The following POC1B variants were observed in gnomAD, a reference collection of about 807,000 sequenced individuals.
POC1B encodes the protein POC1 centriolar protein B.
POC1B carries 44 observed loss-of-function variants against 60.6 expected under a neutral mutation model. The observed-to-expected ratio is 0.73, with a 90% CI of 0.57 to 0.93. The LOEUF (loss-of-function observed/expected upper bound fraction) is 0.93. Among genes scored for constraint, POC1B ranks in the 40% least tolerant of loss-of-function variants. The pLI, the probability that POC1B is intolerant of heterozygous loss-of-function variation, is 0.00. For missense variants in POC1B, 555 were observed against 572.3 expected, an observed-to-expected ratio of 0.97 and a Z score of 0.31; for synonymous variants, 180 against 198.9, an observed-to-expected ratio of 0.90 and a Z score of 0.80.
intron 2 of POC1B, chr12:89,501,006 G>A (rs1869538038): frequency 1.0e-6 from 1 of 975,898 alleles, no homozygotes; most frequent in Admixed American, 2.0e-5. Context: ...GATAGAGGAT[G>A]AATTTATAAT....
At chr12:89,485,138 C>T (rs1592619310) in intron 4 of POC1B, 1 of 152,210 alleles carries the variant, frequency 6.6e-6, no homozygotes, top group African/African-American at 2.4e-5. Context: ...AAACATGACT[C>T]AAGCTCCCCA....
At chr12:89,427,493 G>A (rs1468856252) in intron 10 of POC1B, 1 of 152,162 alleles carries the variant, frequency 6.6e-6, no homozygotes, top group East Asian at 1.9e-4. Flanking sequence ...AAGAGTTTGA[G>A]ATCAGCCTGG....
intron 10 of POC1B, among the ~76,000 whole-genome samples, chr12:89,433,817 C>T (rs1881141289): frequency 6.6e-6 from 1 of 152,106 alleles, no homozygotes; most frequent in Non-Finnish European, 1.5e-5. Context: ...CAGAGTTTTG[C>T]TCTAAATTTG....
intron 2 of POC1B, chr12:89,522,228 A>T (rs1311732678): frequency 2.5e-6 from 1 of 398,500 alleles, no homozygotes; most frequent in Admixed American, 4.4e-5. Flanking sequence ...CTCCAAACTC[A>T]CACTCAAACA....
intron 2 of POC1B, among the ~76,000 whole-genome samples, chr12:89,514,448 G>T (rs10777179): frequency 7.5e-6 from 1 of 132,658 alleles, no homozygotes; most frequent in Non-Finnish European, 1.6e-5. Context: ...TTACTCTGTC[G>T]TCCAGGCTGG....
At chr12:89,497,527 C>G (rs1869319263) in intron 2 of POC1B, among the ~76,000 whole-genome samples, 185 bp from the exon 3 acceptor site, 1 of 152,178 alleles carries the variant, frequency 6.6e-6, no homozygotes, top group Non-Finnish European at 1.5e-5. Context: ...CACTAATATG[C>G]AAGCTTGGCT....
intron 4 of POC1B, among the ~76,000 whole-genome samples, chr12:89,483,956 G>A (rs1418343455): frequency 6.6e-6 from 1 of 152,236 alleles, no homozygotes; most frequent in East Asian, 1.9e-4. Context: ...AAAATTGGCT[G>A]CTTAACATAT....
At chr12:89,513,894 C>T (rs1870308028) in intron 2 of POC1B, among the ~76,000 whole-genome samples, 1 of 152,226 alleles carries the variant, frequency 6.6e-6, no homozygotes, top group African/African-American at 2.4e-5. Flanking sequence ...CTACTAGGCT[C>T]TGCTGCCTAC....
intron 10 of POC1B, among the ~76,000 whole-genome samples, chr12:89,436,414 A>T (rs1881269655): frequency 6.6e-6 from 1 of 152,196 alleles, no homozygotes; most frequent in African/African-American, 2.4e-5. Context: ...AACCAGCATG[A>T]TTCAAATAAG....
At chr12:89,517,549 C>T (rs1209605181) in intron 2 of POC1B, among the ~76,000 whole-genome samples, 1 of 151,988 alleles carries the variant, frequency 6.6e-6, no homozygotes, top group Non-Finnish European at 1.5e-5. Context: ...ATGAGAATCG[C>T]TTGAACTTGG....
chr12:89,487,879 T>C (rs1868723757), intron 4 of POC1B, among the ~76,000 whole-genome samples: 1 of 152,198 alleles, frequency 6.6e-6, no homozygotes, highest in Admixed American at 6.5e-5. Flanking sequence ...CACTTATTTA[T>C]TACTCCCTTA....
Position 89,491,991 on chromosome 12 carries a change from G to A in POC1B, c.397C>T (p.Arg133Cys), listed in dbSNP as rs1389319172. 17 of 1,601,576 alleles carry A rather than the reference G, an allele frequency of 1.1e-5. No individual in the cohort carries two copies. Among genetic ancestry groups the A allele is most frequent in the South Asian group, 3.4e-5 (3 of 88,122 alleles). ...DKSIKVWSMYRQRFLYSLYRH... is the reference protein window; with the variant it reads ...DKSIKVWSMYCQRFLYSLYRH... ...TACAAGGAATACAGGAAGCGCTGGC[G>A]ATACATGCTCCATACTTTTATGGAT... The change falls in exon 4 of 12, where the codon CGC becomes TGC. Residue 133 changes from arginine (R) to cysteine (C), a missense_variant. By Grantham distance (180) the Arg-to-Cys change is radical (BLOSUM62 -3). Transcript: ENST00000313546.
At chr12:89,475,910 CTT>C (rs972058107) in intron 4 of POC1B, among the ~76,000 whole-genome samples, 4 of 86,138 alleles carry the variant, frequency 4.6e-5, no homozygotes, top group Middle Eastern at 7.9e-3. Context: ...TGAGGGAATT[CTT>C]TTTTTTTTTT....
intron 2 of POC1B, chr12:89,523,221 G>A: frequency 6.2e-7 from 1 of 1,614,034 alleles, no homozygotes; most frequent in Non-Finnish European, 8.5e-7. Flanking sequence ...CCCCATGCCA[G>A]CCTGGTCTAT....
downstream of POC1B, among the ~76,000 whole-genome samples, chr12:89,418,915 G>A (rs1410779067): frequency 1.3e-5 from 2 of 152,136 alleles, no homozygotes; most frequent in Non-Finnish European, 2.9e-5. Context: ...GAATAAGATA[G>A]GAGGCAACTG....
At chr12:89,502,789 T>C in intron 2 of POC1B, 1 of 1,314,652 alleles carries the variant, frequency 7.6e-7, no homozygotes, top group Non-Finnish European at 1.1e-6. Flanking sequence ...TGTTTTTTTA[T>C]GTTAACTTTG....
intron 3 of POC1B, among the ~76,000 whole-genome samples, chr12:89,495,377 T>C (rs1370113446): frequency 6.6e-6 from 1 of 152,232 alleles, no homozygotes; most frequent in East Asian, 1.9e-4. Flanking sequence ...CCCTGCTACA[T>C]TGCCATCCAT....
chr12:89,491,906 A>G, intron 4 of POC1B, 30 bp downstream of exon 4: 2 of 1,445,244 alleles, frequency 1.4e-6, no homozygotes, highest in South Asian at 1.6e-5. Flanking sequence ...AAATATGTGG[A>G]CATCTTAATA....
At chr12:89,439,498 T>C (rs967428470) in intron 10 of POC1B, among the ~76,000 whole-genome samples, 1 of 152,202 alleles carries the variant, frequency 6.6e-6, no homozygotes, top group Non-Finnish European at 1.5e-5. Context: ...ATTTGGTAGG[T>C]CTGGGGTGGG....
Sources: gnomAD v4.1 joint callset for allele counts (sites outside exome capture counted in the v4.1 genomes callset) on GRCh38, gnomAD v4.1.1 for gene constraint, MANE v1.5 for transcripts, NCBI Gene and HGNC (gene_info 2026-07-23, HGNC 2026-07-21) for gene names.